Variants in DOCK8 observed in about 807,000 individuals in gnomAD.
The protein encoded by DOCK8 is dedicator of cytokinesis protein 8.
In DOCK8, 141 loss-of-function variants were observed where a neutral mutation model predicts 245.6. The observed-to-expected ratio is 0.57, with a 90% CI of 0.50 to 0.66. The LOEUF is 0.66. Ranked by LOEUF, DOCK8 falls within the 30% of genes least tolerant of loss-of-function variation. The pLI is 0.00. For synonymous variants in DOCK8, 1,168 were observed against 970.2 expected (o/e 1.20, Z -3.79); for missense variants, 2,965 against 2,603.4 (o/e 1.14, Z -3.02).
At chr9:374,532 G>C (rs1235263465) in intron 18 of DOCK8, among the ~76,000 whole-genome samples, 1 of 131,892 alleles carries the variant, frequency 7.6e-6, no homozygotes, top group Non-Finnish European at 1.5e-5. Flanking sequence ...CGTGATCACA[G>C]CTCACTGTAA....
intron 1 of DOCK8, among the ~76,000 whole-genome samples, chr9:253,932 GA>G (rs1244983468): frequency 6.6e-6 from 1 of 152,344 alleles, no homozygotes; most frequent in Non-Finnish European, 1.5e-5. Flanking sequence ...AAGATTTTGA[GA>G]TGTGTTCAAA....
At chr9:304,007 G>A (rs1366767414) in intron 4 of DOCK8, among the ~76,000 whole-genome samples, 3 of 152,180 alleles carry the variant, frequency 2.0e-5, no homozygotes, top group African/African-American at 4.8e-5. Context: ...TTCAGTGACA[G>A]GGCTAGACAT....
At chr9:332,520 G>C (rs751024171) in intron 10 of DOCK8, 42 bp downstream of exon 10, 1 of 1,431,488 alleles carries the variant, frequency 7.0e-7, no homozygotes, top group Middle Eastern at 1.7e-4. Context: ...CATCTTAGAA[G>C]AAGCAGGTAT....
intron 5 of DOCK8, among the ~76,000 whole-genome samples, chr9:308,898 C>A (rs111753495): frequency 0.033 from 4,979 of 152,292 alleles, 128 homozygotes; most frequent in South Asian, 0.058. Context: ...ACCTCATGAT[C>A]CCCCGGCCTT....
At chr9:254,013 T>C (rs1397599482) in intron 1 of DOCK8, among the ~76,000 whole-genome samples, 1 of 152,248 alleles carries the variant, frequency 6.6e-6, no homozygotes, top group Non-Finnish European at 1.5e-5. Context: ...TGTTCCCTTG[T>C]TGAAGGTAAA....
At chr9:249,990 G>T (rs1415856916) in intron 1 of DOCK8, among the ~76,000 whole-genome samples, 1 of 152,062 alleles carries the variant, frequency 6.6e-6, no homozygotes, top group Non-Finnish European at 1.5e-5. Context: ...CTATAATGTT[G>T]CAGGTAGTCC....
intron 32 of DOCK8, 85 bp downstream of exon 32, chr9:421,163 C>T: frequency 6.5e-7 from 1 of 1,549,898 alleles, no homozygotes; most frequent in African/African-American, 1.4e-5. Flanking sequence ...CATGATTAGA[C>T]ACCATTACTT....
chr9:391,305 T>C (rs1312413410), intron 24 of DOCK8, among the ~76,000 whole-genome samples: 1 of 152,228 alleles, frequency 6.6e-6, no homozygotes, highest in Non-Finnish European at 1.5e-5. Flanking sequence ...TTTATTTCTT[T>C]CCTAGTGGTT....
At chr9:448,218 G>A (rs2057324080) in intron 44 of DOCK8, among the ~76,000 whole-genome samples, 1 of 152,154 alleles carries the variant, frequency 6.6e-6, no homozygotes, top group African/African-American at 2.4e-5. Flanking sequence ...TCAGCCTCCT[G>A]TGTAGCTGGG....
At chr9:376,418 C>G in intron 19 of DOCK8, 113 bp downstream of exon 19, 1 of 833,548 alleles carries the variant, frequency 1.2e-6, no homozygotes, top group South Asian at 1.4e-5. Context: ...TAAAAAATAA[C>G]CCTTTAGTTC....
At chr9:217,406 C>T (rs535759587) in intron 1 of DOCK8, among the ~76,000 whole-genome samples, 4 of 152,214 alleles carry the variant, frequency 2.6e-5, no homozygotes, top group East Asian at 1.9e-4. Flanking sequence ...AGTGTTTCTC[C>T]GCCTGTGCCT....
At chr9:396,649 C>A in intron 24 of DOCK8, 136 bp from the exon 25 acceptor site, 1 of 1,223,542 alleles carries the variant, frequency 8.2e-7, no homozygotes, top group Non-Finnish European at 1.2e-6. Context: ...AGAGCTTGCT[C>A]GGGCACCACC....
intron 3 of DOCK8, among the ~76,000 whole-genome samples, chr9:286,888 T>C (rs2048846025): frequency 6.6e-6 from 1 of 152,032 alleles, no homozygotes; most frequent in Non-Finnish European, 1.5e-5. Flanking sequence ...AATGAAATGC[T>C]CAAGAGGAGG....
chr9:250,341 G>T (rs1273707414), intron 1 of DOCK8, among the ~76,000 whole-genome samples: 1 of 152,110 alleles, frequency 6.6e-6, no homozygotes, highest in African/African-American at 2.4e-5. Flanking sequence ...TGAGTCAAAG[G>T]GGGTGGTTTT....
At chr9:364,096 G>T (rs1411960533) in intron 14 of DOCK8, among the ~76,000 whole-genome samples, 2 of 152,162 alleles carry the variant, frequency 1.3e-5, no homozygotes, top group Non-Finnish European at 2.9e-5. Flanking sequence ...AAAAGTATCT[G>T]CACTGCAGAG....
chr9:401,793 T>A (rs1416698618), intron 26 of DOCK8, among the ~76,000 whole-genome samples: 1 of 152,168 alleles, frequency 6.6e-6, no homozygotes, highest in Non-Finnish European at 1.5e-5. Context: ...AAGGAAGTCC[T>A]GTCTACAGCC....
chr9:286,581 G>A lies in DOCK8; in HGVS notation c.277G>A (p.Val93Met), dbSNP rs375686155. The change falls in exon 3 of 48, where the codon GTG (valine) becomes ATG (methionine). Residue 93 changes from valine to methionine, a missense_variant. By Grantham distance (21) the Val-to-Met change is conservative. Coordinates refer to ENST00000432829, the MANE Select transcript of DOCK8 (RefSeq NM_203447.4). ...GGACTTCACTGATGACGACTTGGAC[G>A]TGGTGTTCACGCCAAAGGAATGTAG... The part of the protein sequence containing the change: ...LGDFTDDDLD[V>M]VFTPKECRTL... 17 of 1,614,008 alleles carry A rather than the reference G, an allele frequency of 1.1e-5. No homozygotes were observed. Among genetic ancestry groups the A allele is most frequent in the East Asian group, 6.7e-5 (3 of 44,868 alleles).
intron 2 of DOCK8, among the ~76,000 whole-genome samples, chr9:281,136 C>T (rs1406678216): frequency 6.6e-6 from 1 of 152,060 alleles, no homozygotes; most frequent in Non-Finnish European, 1.5e-5. Context: ...TGCCTGTAAT[C>T]CCAGCTATTC....
chr9:244,215 G>A (rs1013491055), intron 1 of DOCK8, among the ~76,000 whole-genome samples: 3 of 145,874 alleles, frequency 2.1e-5, no homozygotes, highest in Non-Finnish European at 4.5e-5. Context: ...AAAAATTTTA[G>A]CTCTCAAAGT....
Sources: gnomAD v4.1 joint callset for allele counts (sites outside exome capture counted in the v4.1 genomes callset) on GRCh38, gnomAD v4.1.1 for gene constraint, MANE v1.5 for transcripts, NCBI Gene and HGNC (gene_info 2026-07-23, HGNC 2026-07-21) for gene names.